Variants in PDE8B observed in about 807,000 individuals in gnomAD.
PDE8B encodes high affinity cAMP-specific and IBMX-insensitive 3',5'-cyclic phosphodiesterase 8B.
PDE8B carries 26 observed loss-of-function variants against 101.3 expected under a neutral mutation model. The ratio of observed to expected loss-of-function variants is 0.26; its 90% CI spans 0.19 to 0.36. The LOEUF (loss-of-function observed/expected upper bound fraction) is 0.36, where lower values mean the gene tolerates loss of function less well. Among genes scored for constraint, PDE8B ranks in the 10% least tolerant of loss-of-function variants. The pLI is 1.00. For synonymous variants in PDE8B, 424 were observed against 429.3 expected, an observed-to-expected ratio of 0.99 and a Z score of 0.15; for missense variants, 810 against 1,163.1, an observed-to-expected ratio of 0.70 and a Z score of 4.42.
chr5:77,270,639 A>T (rs1345642630), intron 1 of PDE8B, among the ~76,000 whole-genome samples: 1 of 152,212 alleles, frequency 6.6e-6, no homozygotes, highest in East Asian at 1.9e-4. Context: ...GTTCAACAAG[A>T]TACCTAGGGG....
the PDE8B span, among the ~76,000 whole-genome samples, chr5:77,130,460 A>C: frequency 6.6e-6 from 1 of 152,008 alleles, no homozygotes; most frequent in South Asian, 2.1e-4. Flanking sequence ...ATAATAGAAA[A>C]CCCATCTAGA....
intron 1 of PDE8B, among the ~76,000 whole-genome samples, chr5:77,235,611 C>T (rs1754502290): frequency 6.6e-6 from 1 of 152,164 alleles, no homozygotes. Flanking sequence ...GTAATTTATT[C>T]ACCATTTTCA....
intron 5 of PDE8B, among the ~76,000 whole-genome samples, chr5:77,336,649 T>C (rs1284285860): frequency 6.6e-6 from 1 of 152,244 alleles, no homozygotes; most frequent in African/African-American, 2.4e-5. Flanking sequence ...GGGCTGTTTC[T>C]GCCTTTTGGC....
chr5:77,151,628 C>T, the PDE8B span, among the ~76,000 whole-genome samples: 2 of 152,142 alleles, frequency 1.3e-5, no homozygotes, highest in African/African-American at 4.8e-5. Flanking sequence ...TTATCATGCT[C>T]ATTTTATACA....
chr5:77,316,766 A>G (rs909620221), intron 2 of PDE8B, among the ~76,000 whole-genome samples: 2 of 152,186 alleles, frequency 1.3e-5, no homozygotes, highest in African/African-American at 4.8e-5. Flanking sequence ...ATGAAACATA[A>G]TAACAAATTG....
chr5:77,248,904 T>C (rs75407028), intron 1 of PDE8B, among the ~76,000 whole-genome samples: 1,883 of 152,296 alleles, frequency 0.012, 19 homozygotes, highest in Non-Finnish European at 0.018. Flanking sequence ...CTCCCTGCCA[T>C]GTGAGGACAC....
chr5:77,326,529 G>A (rs556510114), intron 3 of PDE8B, among the ~76,000 whole-genome samples: 21 of 152,272 alleles, frequency 1.4e-4, no homozygotes, highest in East Asian at 3.9e-4. Context: ...GTTTCTTATC[G>A]CAGGCATCAT....
intron 1 of PDE8B, chr5:77,246,733 A>C (rs2149586528): frequency 6.6e-6 from 1 of 152,288 alleles, no homozygotes; most frequent in Non-Finnish European, 1.5e-5. Context: ...TTACAGAAAA[A>C]GTTTGCCAAT....
At chr5:77,150,647 A>G in the PDE8B span, among the ~76,000 whole-genome samples, 1 of 152,160 alleles carries the variant, frequency 6.6e-6, no homozygotes, top group Non-Finnish European at 1.5e-5. Context: ...AAAAGAGAAA[A>G]CTTACAGGAA....
intron 10 of PDE8B, among the ~76,000 whole-genome samples, chr5:77,399,909 ATAACT>A (rs1791889680): frequency 6.6e-6 from 1 of 152,268 alleles, no homozygotes. Context: ...AGCCTTATAA[ATAACT>A]TAAATTTAGT....
chr5:77,202,970 A>G, the PDE8B span, among the ~76,000 whole-genome samples: 1 of 152,186 alleles, frequency 6.6e-6, no homozygotes, highest in African/African-American at 2.4e-5. Flanking sequence ...GGTGCCCCTA[A>G]CACTGTGTTG....
At chr5:77,162,925 T>A in the PDE8B span, among the ~76,000 whole-genome samples, 1 of 152,226 alleles carries the variant, frequency 6.6e-6, no homozygotes, top group South Asian at 2.1e-4. Flanking sequence ...ATTGACTTAT[T>A]TGAACAAACA....
intron 17 of PDE8B, among the ~76,000 whole-genome samples, chr5:77,416,549 A>T (rs1795597485): frequency 6.6e-6 from 1 of 152,032 alleles, no homozygotes; most frequent in Non-Finnish European, 1.5e-5. Context: ...AATCTCTGAG[A>T]ACAGCTGAGA....
chr5:77,347,249 T>C (rs1486977969), intron 7 of PDE8B, among the ~76,000 whole-genome samples: 2 of 152,256 alleles, frequency 1.3e-5, no homozygotes, highest in Admixed American at 1.3e-4. Context: ...ATCACTATTG[T>C]ACTCATTTTG....
At chr5:77,251,656 A>G (rs2149623501) in intron 1 of PDE8B, among the ~76,000 whole-genome samples, 1 of 152,264 alleles carries the variant, frequency 6.6e-6, no homozygotes, top group South Asian at 2.1e-4. Flanking sequence ...CCAAGTAAAT[A>G]AATGTTAGAC....
At chr5:77,346,401 C>G (rs1780162363) in intron 7 of PDE8B, among the ~76,000 whole-genome samples, 1 of 152,206 alleles carries the variant, frequency 6.6e-6, no homozygotes, top group Admixed American at 6.5e-5. Context: ...CCCTGTTTTG[C>G]AGTGTGCAGC....
Position 77,368,781 on chromosome 5 carries a change from G to A in PDE8B, c.1167+15375G>A, listed in dbSNP as rs1208006696. ...CACTAGAAAGGCACTTACTTGATGA[G>A]CTACACAGAAGGAATAAGACAGCCC... On this transcript the variant is annotated intron_variant, in intron 10 of 21. Transcript: ENST00000264917. Among the ~76,000 whole-genome samples the A allele has an allele frequency of 1.2e-4, 18 of 152,192 alleles. 1 individual carries two copies. Among genetic ancestry groups the A allele is most frequent in the Admixed American group, 1.2e-3 (18 of 15,284 alleles).
At chr5:77,387,564 C>T (rs575314350) in intron 10 of PDE8B, among the ~76,000 whole-genome samples, 2 of 152,282 alleles carry the variant, frequency 1.3e-5, no homozygotes, top group South Asian at 4.1e-4. Flanking sequence ...TGGGGTTGCT[C>T]TTCTCGAGGA....
chr5:77,352,521 C>T (rs1781343471), intron 9 of PDE8B, among the ~76,000 whole-genome samples: 1 of 152,182 alleles, frequency 6.6e-6, no homozygotes, highest in Admixed American at 6.6e-5. Flanking sequence ...AGTGAGCTAT[C>T]AGAGGCAATT....
Sources: allele counts gnomAD v4.1 joint callset (sites outside exome capture counted in the v4.1 genomes callset), GRCh38; gene constraint gnomAD v4.1.1; transcripts MANE v1.5; gene names NCBI Gene and HGNC (gene_info 2026-07-23, HGNC 2026-07-21).